The following ATF7IP2 variants were observed in gnomAD, a reference collection of about 807,000 sequenced individuals.
The protein encoded by ATF7IP2 is activating transcription factor 7-interacting protein 2.
A neutral mutation model predicts 64.2 loss-of-function variants in ATF7IP2; 42 were observed. The observed-to-expected ratio is 0.65, with a 90% CI of 0.51 to 0.85. ATF7IP2 has a LOEUF of 0.85. Among genes scored for constraint, ATF7IP2 ranks in the 40% least tolerant of loss-of-function variants. The pLI is 0.00. For missense variants in ATF7IP2, 933 were observed against 784.2 expected (o/e 1.19, Z -2.27); for synonymous variants, 308 against 272.8 (o/e 1.13, Z -1.27).
intron 1 of ATF7IP2, among the ~76,000 whole-genome samples, chr16:10,399,579 A>G (rs1596435723): frequency 6.6e-6 from 1 of 152,194 alleles, no homozygotes; most frequent in African/African-American, 2.4e-5. Context: ...TGTTTTGATT[A>G]CCATCAGCTT....
At chr16:10,394,431 T>A (rs1209081954) in intron 1 of ATF7IP2, among the ~76,000 whole-genome samples, 1 of 152,192 alleles carries the variant, frequency 6.6e-6, no homozygotes, top group African/African-American at 2.4e-5. Flanking sequence ...AGTTCAGTAA[T>A]AATTGGAGAA....
Position 10,409,986 on chromosome 16 carries a change from G to A in ATF7IP2, c.-241-4588G>A, listed in dbSNP as rs570932670. Among the ~76,000 whole-genome samples the A allele has an allele frequency of 2.0e-5, 3 of 152,268 alleles. No homozygotes were observed. The South Asian group carries it at 6.2e-4, about 32-fold the overall frequency. ...GTTTTGGTGACTATGGCCTTATAAT[G>A]TAGTTTGAAGTCAGGTAATGTGATG... On this transcript the variant is annotated intron_variant, in intron 1 of 13. Coordinates refer to ENST00000562102, the MANE Select transcript of ATF7IP2 (RefSeq NM_001393719.1).
At chr16:10,474,179 C>G (rs2049917304) in intron 12 of ATF7IP2, among the ~76,000 whole-genome samples, 190 bp downstream of exon 12, 1 of 152,190 alleles carries the variant, frequency 6.6e-6, no homozygotes, top group Non-Finnish European at 1.5e-5. Context: ...CATGCTACCC[C>G]TTTATACTCA....
chr16:10,413,767 G>T (rs1050888888), intron 1 of ATF7IP2, among the ~76,000 whole-genome samples: 1 of 152,192 alleles, frequency 6.6e-6, no homozygotes, highest in African/African-American at 2.4e-5. Context: ...GTCTGAAAAA[G>T]ACTGTATGTT....
At chr16:10,455,911 A>G (rs562653934) in intron 8 of ATF7IP2, among the ~76,000 whole-genome samples, 1 of 152,324 alleles carries the variant, frequency 6.6e-6, no homozygotes, top group East Asian at 1.9e-4. Flanking sequence ...GTTGCATTGT[A>G]TCCTACATTA....
chr16:10,460,701 A>T (rs1052632080), intron 9 of ATF7IP2, among the ~76,000 whole-genome samples: 1 of 152,160 alleles, frequency 6.6e-6, no homozygotes, highest in Admixed American at 6.5e-5. Flanking sequence ...ATACAAAAAA[A>T]CTCATATGGA....
chr16:10,459,252 AG>A (rs1353084244), intron 9 of ATF7IP2, among the ~76,000 whole-genome samples: 1 of 152,076 alleles, frequency 6.6e-6, no homozygotes, highest in Non-Finnish European at 1.5e-5. Flanking sequence ...GTGGATCACG[AG>A]GTCAGGAGAT....
rs182582448 is a variant in ATF7IP2, at chr16:10,411,607, G to T, written c.-241-2967G>T. Among the ~76,000 whole-genome samples, 3 of 152,160 alleles carry T rather than the reference G, an allele frequency of 2.0e-5. No individual in the cohort carries two copies. The East Asian group carries it at 5.8e-4, about 29-fold the overall frequency. ...CTGGTTTGAACTCCTGACCTCTGGT[G>T]ATCCACCCACCTTGGTCTCTCAAAG... On this transcript the variant is annotated intron_variant, in intron 1 of 13. Coordinates refer to ENST00000562102, the MANE Select transcript of ATF7IP2 (RefSeq NM_001393719.1).
At chr16:10,472,325 G>T in intron 10 of ATF7IP2, 142 bp downstream of exon 10, 2 of 453,072 alleles carry the variant, frequency 4.4e-6, no homozygotes, top group South Asian at 1.0e-4. Context: ...TTTATATCAT[G>T]GTTAATATTA....
intron 1 of ATF7IP2, among the ~76,000 whole-genome samples, chr16:10,412,565 A>G (rs2047793166): frequency 1.3e-5 from 2 of 152,196 alleles, no homozygotes; most frequent in South Asian, 4.1e-4. Context: ...CAATTTTATT[A>G]AATTTATTGA....
chr16:10,415,531 T>A (rs370994646), intron 2 of ATF7IP2, among the ~76,000 whole-genome samples: 10 of 152,298 alleles, frequency 6.6e-5, no homozygotes, highest in African/African-American at 2.4e-4. Flanking sequence ...GAAGAAATCA[T>A]TGGGGAAACT....
chr16:10,456,237 C>T (rs752461925), intron 8 of ATF7IP2, among the ~76,000 whole-genome samples: 2 of 152,090 alleles, frequency 1.3e-5, no homozygotes, highest in East Asian at 1.9e-4. Context: ...AACTGTTTAG[C>T]AGAAAGGAAC....
intron 3 of ATF7IP2, among the ~76,000 whole-genome samples, chr16:10,424,221 A>G (rs1596476345): frequency 6.6e-6 from 1 of 152,162 alleles, no homozygotes; most frequent in South Asian, 2.1e-4. Flanking sequence ...TGGTAAACCA[A>G]CAACCTTCAG....
At chr16:10,420,596 CA>C (rs2047972218) in intron 3 of ATF7IP2, among the ~76,000 whole-genome samples, 1 of 152,214 alleles carries the variant, frequency 6.6e-6, no homozygotes, top group Non-Finnish European at 1.5e-5. Context: ...TGATTCCCTG[CA>C]GTCCAAGGTC....
intron 8 of ATF7IP2, among the ~76,000 whole-genome samples, chr16:10,450,409 G>T (rs2048946792): frequency 6.6e-6 from 1 of 152,182 alleles, no homozygotes; most frequent in Admixed American, 6.5e-5. Context: ...GATATTGACA[G>T]TGCGTTGTTA....
Position 10,438,163 on chromosome 16 carries a change from G to A in ATF7IP2, c.1023G>A (p.Leu341=). 6.2e-7 allele frequency: 1 copy of A among 1,604,270 alleles called. No homozygotes were observed. The highest frequency in any genetic ancestry group is 8.5e-7 in the Non-Finnish European group (1 of 1,175,886). The change falls in exon 7 of 14, where the codon CTG becomes CTA. Residue 341 remains leucine (L), a synonymous_variant. Transcript: ENST00000562102. ...ATTATGAACTATTTGATAAGAAACT[G>A]AAAGAATTGAACCAACGCATTGGGA... The part of the protein sequence containing the change: ...SINYELFDKK[L]KELNQRIGKT...
intron 8 of ATF7IP2, among the ~76,000 whole-genome samples, chr16:10,453,577 C>G (rs575853625): frequency 6.6e-6 from 1 of 152,164 alleles, no homozygotes; most frequent in Non-Finnish European, 1.5e-5. Flanking sequence ...TACTTGTATA[C>G]TCAGCACTTA....
Position 10,481,108 on chromosome 16 carries a change from T to A in ATF7IP2, c.1635+144T>A, listed in dbSNP as rs915657156. 1.9e-5 allele frequency: 12 copies of A among 616,738 alleles called. No individual in the cohort carries two copies. The African/African-American group carries it at 2.2e-4, about 11-fold the overall frequency. The allele number at this position is 616,738 out of a possible 1,614,324, so 38.2% of individuals were successfully genotyped here. On this transcript the variant is annotated intron_variant, in intron 13 of 13. Transcript: ENST00000562102. ...GTTGTTAATCTACTTATTTATACAA[T>A]TAAAATTATTCAGTTGAGTTTTACA...
At position 10,418,176 on chromosome 16, in the gene ATF7IP2, A is replaced by C. The variant is rs549078556; in HGVS notation, c.-202-1405A>C. 2.0e-5 allele frequency among the ~76,000 whole-genome samples: 3 copies of C among 152,328 alleles called. No individual in the cohort carries two copies. In the East Asian group the frequency reaches 5.8e-4, roughly 29 times the overall value. On this transcript the variant is annotated intron_variant, in intron 2 of 13. Coordinates refer to ENST00000562102, the MANE Select transcript of ATF7IP2 (RefSeq NM_001393719.1). The stretch of plus-strand genomic sequence containing the variant: ...ACAAAGGGATGGGCTCTGGCTAGTT[A>C]TCTGCAGCAGGTATATGTCCTTAAG...
Sources: allele counts gnomAD v4.1 joint callset (sites outside exome capture counted in the v4.1 genomes callset), GRCh38; gene constraint gnomAD v4.1.1; transcripts MANE v1.5; gene names NCBI Gene and HGNC (gene_info 2026-07-23, HGNC 2026-07-21).